The following OR52A1 variants were observed in gnomAD, a reference collection of about 807,000 sequenced individuals.
The protein encoded by OR52A1 is olfactory receptor 52A1.
OR52A1 carries 14 observed loss-of-function variants against 14.3 expected under a neutral mutation model. The ratio of observed to expected loss-of-function variants is 0.98; its 90% CI spans 0.65 to 1.54. The LOEUF (loss-of-function observed/expected upper bound fraction) is 1.54. Among genes scored for constraint, OR52A1 ranks in the 40% most tolerant of loss-of-function variants. OR52A1 has a pLI of 0.00. For synonymous variants in OR52A1, 151 were observed against 135.3 expected, an observed-to-expected ratio of 1.12 and a Z score of -0.80; for missense variants, 405 against 381.3, an observed-to-expected ratio of 1.06 and a Z score of -0.52.
rs964196785 is a variant in OR52A1, at chr11:5,150,948, T to C, written c.*483A>G. 1.3e-5 allele frequency: 2 copies of C among 152,376 alleles called. No individual in the cohort carries two copies. Among genetic ancestry groups the C allele is most frequent in the African/African-American group, 4.8e-5 (2 of 41,456 alleles). 9.4% of individuals were successfully genotyped at this position (152,376 alleles called of 1,614,324 possible). On this transcript the variant is annotated 3_prime_UTR_variant, in exon 2 of 2. Coordinates refer to ENST00000380367, the MANE Select transcript of OR52A1 (RefSeq NM_012375.3). ...GAAAATGTATTTAAATTTTTAGGCT[T>C]TATTGTCTCTTGATATTCATAAGAT...
rs779251557 is a variant in OR52A1, at chr11:5,151,753, G to T, written c.617C>A (p.Ala206Asp). The change falls in exon 2 of 2, where the codon GCC (alanine) becomes GAC (aspartate). Residue 206 changes from alanine to aspartate, a missense_variant. Physicochemically the swap from Ala to Asp is moderately radical, Grantham distance 126. Transcript: ENST00000380367. ...GAGGTCAAATCCTGCTACAGTGAAG[G>T]CCACAAACAAACCATAGATTTTGTT... ...QVNKIYGLFVAFTVAGFDLTF... is the reference protein window; with the variant it reads ...QVNKIYGLFVDFTVAGFDLTF... 1 of 1,614,132 alleles carries T rather than the reference G, an allele frequency of 6.2e-7. No individual in the cohort carries two copies. The highest frequency in any genetic ancestry group is 2.2e-5 in the East Asian group (1 of 44,890).
rs950280403 is a variant in OR52A1 at position 5,151,977 on chromosome 11, T to C, written c.393A>G (p.Pro131=). 7.4e-6 allele frequency: 12 copies of C among 1,614,010 alleles called. No homozygotes were observed. The highest frequency in any genetic ancestry group is 1.3e-5 in the African/African-American group (1 of 75,014). The change falls in exon 2 of 2, where the codon CCA becomes CCG. Residue 131 remains proline (P), a synonymous_variant. Transcript: ENST00000380367. ...ALDRYVAICY[P]LRHANIFTHQ... is the part of the protein sequence containing the mutation. ...GGGTGAAGATGTTGGCATGTCTTAG[T>C]GGATAACAGATGGCCACATAACGGT... is the stretch of plus-strand genomic sequence containing the variant.
intron 1 of OR52A1, among the ~76,000 whole-genome samples, chr11:5,153,394 TAAAA>T (rs1170779235): frequency 6.6e-6 from 1 of 152,042 alleles, no homozygotes; most frequent in African/African-American, 2.4e-5. Flanking sequence ...TTAGTAAAAA[TAAAA>T]AAGCTAAAGG....
chr11:5,153,932 C>G lies in OR52A1; in HGVS notation c.-322+515G>C, dbSNP rs1846579186. 2.0e-5 allele frequency among the ~76,000 whole-genome samples: 3 copies of G among 150,848 alleles called. No homozygotes were observed. In the Admixed American group the frequency reaches 2.0e-4, roughly 10 times the overall value. ...ATATTCAACAACAAATGTTCAACTGCTGCTAAACTTCAAATGAAAGAACCA... is the reference window on the plus strand; with the variant it reads ...ATATTCAACAACAAATGTTCAACTGGTGCTAAACTTCAAATGAAAGAACCA... On this transcript the variant is annotated intron_variant, in intron 1 of 1. Coordinates refer to ENST00000380367, the MANE Select transcript of OR52A1 (RefSeq NM_012375.3).
Position 5,152,331 on chromosome 11 carries a change from C to T in OR52A1, c.39G>A (p.Val13=). 1 of 1,612,942 alleles carries T rather than the reference C, an allele frequency of 6.2e-7. No homozygotes were observed. The change falls in exon 2 of 2, where the codon GTG becomes GTA. Residue 13 remains valine (V), a synonymous_variant. Transcript: ENST00000380367. ...ISNITVYMPS[V]LTLVGIPGLE... ...GGCCTGGGATCCCTACTAGTGTCAA[C>T]ACAGAGGGCATGTAGACTGTGATGT...
At chr11:5,153,455 A>G (rs967559240) in intron 1 of OR52A1, among the ~76,000 whole-genome samples, 1 of 152,242 alleles carries the variant, frequency 6.6e-6, no homozygotes, top group African/African-American at 2.4e-5. Context: ...CAGGGAAGAC[A>G]GGACAAACTT....
chr11:5,153,491 C>T (rs778671246), intron 1 of OR52A1, among the ~76,000 whole-genome samples: 11 of 152,172 alleles, frequency 7.2e-5, no homozygotes, highest in Admixed American at 2.6e-4. Context: ...GAGGAAAGCA[C>T]TATGAATAAC....
At chr11:5,153,369 C>T (rs1846571573) in intron 1 of OR52A1, among the ~76,000 whole-genome samples, 1 of 152,136 alleles carries the variant, frequency 6.6e-6, no homozygotes, top group Admixed American at 6.5e-5. Flanking sequence ...ATTTTGTGAG[C>T]TCTGACATAA....
In OR52A1 at chr11:5,152,405, T is replaced by A. The variant is rs1175932862; in HGVS notation, c.-36A>T. The A allele has an allele frequency of 2.1e-6, 3 of 1,460,062 alleles. No individual in the cohort carries two copies. Among genetic ancestry groups the A allele is most frequent in the Non-Finnish European group, 2.8e-6 (3 of 1,068,684 alleles). The allele number at this position is 1,460,062 out of a possible 1,614,324, so 90.4% of individuals were successfully genotyped here. A position where few individuals can be genotyped will look rare whatever the true frequency, so the allele number is the denominator to read the frequency against. On this transcript the variant is annotated 5_prime_UTR_variant, in exon 2 of 2. Coordinates refer to ENST00000380367, the MANE Select transcript of OR52A1 (RefSeq NM_012375.3). ...GGTCTCCTGATGCAAACAAAAGAAGTTTCTCAGTCAGTGTTACTGTTCCTC... is the reference window on the plus strand; with the variant it reads ...GGTCTCCTGATGCAAACAAAAGAAGATTCTCAGTCAGTGTTACTGTTCCTC...
chr11:5,147,406 A>G lies in OR52A1; in HGVS notation c.*4025T>C, dbSNP rs2133532619. On this transcript the variant is annotated 3_prime_UTR_variant, in exon 2 of 2. Coordinates refer to ENST00000380367, the MANE Select transcript of OR52A1 (RefSeq NM_012375.3). Reference sequence around the variant, plus strand: ...CTTTGAGTAAAGCATATTGACCTTTATAATGTGCCTTCCAAGCAGTTGAAG... The same window carrying G: ...CTTTGAGTAAAGCATATTGACCTTTGTAATGTGCCTTCCAAGCAGTTGAAG... 1 of 152,320 alleles carries G rather than the reference A, an allele frequency of 6.6e-6. No homozygotes were observed. The highest frequency in any genetic ancestry group is 2.4e-5 in the African/African-American group (1 of 41,566). 9.4% of individuals were successfully genotyped at this position (152,320 alleles called of 1,614,324 possible).
intron 1 of OR52A1, among the ~76,000 whole-genome samples, chr11:5,153,026 T>A (rs987238914): frequency 4.6e-5 from 7 of 152,220 alleles, no homozygotes; most frequent in Admixed American, 4.6e-4. Flanking sequence ...GGTTGCTTTT[T>A]ATATTTCTTT....
Position 5,151,849 on chromosome 11 carries a change from G to T in OR52A1, c.521C>A (p.Thr174Lys), listed in dbSNP as rs142256620. 22 of 1,614,038 alleles carry T rather than the reference G, an allele frequency of 1.4e-5. No homozygotes were observed. The African/African-American group carries it at 2.4e-4, about 18-fold the overall frequency. ...ACAGTAGGAGTGGGAGATGACTGTT[G>T]TGTGATAAAATTGAAACCGGCACTT... ...LIKCRFQFYH[T>K]TVISHSYCEH... Residue 174 changes from threonine to lysine, a missense_variant, in exon 2 of 2, where the codon ACA (threonine) becomes AAA (lysine). Transcript: ENST00000380367.
At chr11:5,152,736 T>C (rs1225010814) in intron 1 of OR52A1, 46 bp from the exon 2 acceptor site, 1 of 186,546 alleles carries the variant, frequency 5.4e-6, no homozygotes, top group African/African-American at 2.4e-5. Context: ...GGACATTGCA[T>C]TTTAATTTGG....
Position 5,152,631 on chromosome 11 carries a change from C to G in OR52A1, c.-262G>C. The G allele has an allele frequency of 2.7e-6, 1 of 365,338 alleles. No homozygotes were observed. Among genetic ancestry groups the G allele is most frequent in the East Asian group, 4.4e-5 (1 of 22,768 alleles). The allele number at this position is 365,338 out of a possible 1,614,324, so 22.6% of individuals were successfully genotyped here. ...CATGGCAATCCAAATACATTAGAAC[C>G]AGCAAAATCACCTGGACAGGGGATT... On this transcript the variant is annotated 5_prime_UTR_variant, in exon 2 of 2. Transcript: ENST00000380367.
chr11:5,152,036 T>G lies in OR52A1; in HGVS notation c.334A>C (p.Ile112Leu), dbSNP rs746772575. Residue 112 changes from isoleucine to leucine, a missense_variant, in exon 2 of 2, where the codon ATA becomes CTA. Transcript: ENST00000380367. ...ATGGCCACAAGGATGCCTGACTCTA[T>G]ACCCTGCAATGTGTGGATGAACCAC... Reference protein sequence around the residue: ...QMWFIHTLQGIESGILVAMAL... With the variant: ...QMWFIHTLQGLESGILVAMAL... 6.2e-7 allele frequency: 1 copy of G among 1,614,058 alleles called. No individual in the cohort carries two copies. The highest frequency in any genetic ancestry group is 8.5e-7 in the Non-Finnish European group (1 of 1,179,966).
rs1435699134 is a variant in OR52A1 at position 5,151,597 on chromosome 11, G to A, written c.773C>T (p.Ala258Val). ...CCTATGTGTGAAGAAGGAGAAGAAG[G>A]CAAGGAGGTAGAACTGGAGGAAGAC... ...ICVFLQFYLL[A>V]FFSFFTHRFG... Residue 258 changes from alanine to valine, a missense_variant, in exon 2 of 2, where the codon GCC becomes GTC. Ala to Val is a moderately conservative substitution (Grantham distance 64, BLOSUM62 0). Coordinates refer to ENST00000380367, the MANE Select transcript of OR52A1 (RefSeq NM_012375.3). 1.2e-6 allele frequency: 2 copies of A among 1,613,978 alleles called. No individual in the cohort carries two copies. The highest frequency in any genetic ancestry group is 1.1e-5 in the South Asian group (1 of 91,074).
Position 5,151,952 on chromosome 11 carries a change from G to A in OR52A1, c.418C>T (p.His140Tyr). The change falls in exon 2 of 2, where the codon CAC (histidine) becomes TAC (tyrosine). Residue 140 changes from histidine (H) to tyrosine (Y), a missense_variant. By Grantham distance (83) the His-to-Tyr change is moderately conservative. Transcript: ENST00000380367. ...GTTCCTATCTGAATGACAAGCTGGT[G>A]GGTGAAGATGTTGGCATGTCTTAGT... Reference protein sequence around the residue: ...YPLRHANIFTHQLVIQIGTMV... With the variant: ...YPLRHANIFTYQLVIQIGTMV... The A allele has an allele frequency of 6.2e-7, 1 of 1,614,090 alleles. No homozygotes were observed. Among genetic ancestry groups the A allele is most frequent in the Non-Finnish European group, 8.5e-7 (1 of 1,180,002 alleles).
chr11:5,149,828 C>T lies in OR52A1; in HGVS notation c.*1603G>A, dbSNP rs1846521471. 6.6e-6 allele frequency: 1 copy of T among 152,102 alleles called. No individual in the cohort carries two copies. The highest frequency in any genetic ancestry group is 1.5e-5 in the Non-Finnish European group (1 of 68,018). The allele number at this position is 152,102 out of a possible 1,614,324, so 9.4% of individuals were successfully genotyped here. A position where few individuals can be genotyped will look rare whatever the true frequency, so the allele number is the denominator to read the frequency against. ...TATTGGTAATCCAATAAAATTAGCT[C>T]TAGTAGATATTGAAACTTGAAACAG... On this transcript the variant is annotated 3_prime_UTR_variant, in exon 2 of 2. Coordinates refer to ENST00000380367, the MANE Select transcript of OR52A1 (RefSeq NM_012375.3).
rs1315880277 is a variant in OR52A1, at chr11:5,150,222, ACAC to A, written c.*1206_*1208del. ...GCCACATGCCCAAGCAGACACACACACACACACACACACACACACACACACACG... is the reference window on the plus strand; with the variant it reads ...GCCACATGCCCAAGCAGACACACACAACACACACACACACACACACACACG... On this transcript the variant is annotated 3_prime_UTR_variant, in exon 2 of 2. Transcript: ENST00000380367. 6.7e-6 allele frequency: 1 copy of A among 150,002 alleles called. No individual in the cohort carries two copies. The highest frequency in any genetic ancestry group is 2.5e-5 in the African/African-American group (1 of 39,568). The allele number at this position is 150,002 out of a possible 1,614,324, so 9.3% of individuals were successfully genotyped here. A position where few individuals can be genotyped will look rare whatever the true frequency, so the allele number is the denominator to read the frequency against.
Sources: gnomAD v4.1 joint callset for allele counts (sites outside exome capture counted in the v4.1 genomes callset) on GRCh38, gnomAD v4.1.1 for gene constraint, MANE v1.5 for transcripts, NCBI Gene and HGNC (gene_info 2026-07-23, HGNC 2026-07-21) for gene names.